The following NHEJ1 variants were observed in gnomAD, a reference collection of about 807,000 sequenced individuals.
The protein encoded by NHEJ1 is non-homologous end joining factor 1, also known as non-homologous end-joining factor 1.
A neutral mutation model predicts 39.4 loss-of-function variants in NHEJ1; 22 were observed. That is an observed-to-expected ratio of 0.56 (90% CI 0.40 to 0.80). The LOEUF (loss-of-function observed/expected upper bound fraction) is 0.80. Ranked by LOEUF, NHEJ1 falls within the 30% of genes least tolerant of loss-of-function variation. NHEJ1 has a pLI of 0.00. For missense variants in NHEJ1, 329 were observed against 357.1 expected (o/e 0.92, Z 0.63); for synonymous variants, 154 against 135.6 (o/e 1.14, Z -0.94).
chr2:219,099,450 G>A (rs1222989413), intron 5 of NHEJ1, among the ~76,000 whole-genome samples: 1 of 152,196 alleles, frequency 6.6e-6, no homozygotes. Flanking sequence ...CACTGAATGA[G>A]ATAGGGCAAG....
chr2:219,160,582 C>G (rs1409679131), intron 1 of NHEJ1, 138 bp downstream of exon 1: 3 of 152,184 alleles, frequency 2.0e-5, no homozygotes, highest in Non-Finnish European at 2.9e-5. Context: ...GCCCACCCCT[C>G]CCCCGGAGGC....
intron 5 of NHEJ1, among the ~76,000 whole-genome samples, chr2:219,090,390 T>C (rs1039528406): frequency 1.3e-5 from 2 of 152,224 alleles, no homozygotes; most frequent in Non-Finnish European, 2.9e-5. Flanking sequence ...AGATCATGCA[T>C]GTAAAGTTCT....
chr2:219,101,651 T>A (rs1486809889), intron 5 of NHEJ1, among the ~76,000 whole-genome samples: 1 of 151,836 alleles, frequency 6.6e-6, no homozygotes, highest in Non-Finnish European at 1.5e-5. Context: ...CCTCAAGTGA[T>A]CTTCCTGCCT....
At chr2:219,106,973 C>T (rs1446319174) in intron 5 of NHEJ1, among the ~76,000 whole-genome samples, 1 of 152,176 alleles carries the variant, frequency 6.6e-6, no homozygotes, top group Non-Finnish European at 1.5e-5. Context: ...TACTCCAAGT[C>T]GGCCTACCTG....
At position 219,145,404 on chromosome 2, in the gene NHEJ1, C is replaced by A. The variant is rs181550955; in HGVS notation, c.588+1276G>T. Among the ~76,000 whole-genome samples the A allele has an allele frequency of 2.2e-4, 34 of 152,266 alleles. 1 individual carries two copies. In the East Asian group the frequency reaches 2.5e-3, roughly 11 times the overall value. On this transcript the variant is annotated intron_variant, in intron 5 of 7. Coordinates refer to ENST00000356853, the MANE Select transcript of NHEJ1 (RefSeq NM_024782.3). ...CAAGCATTGTAGCTCAGTCAATGCA[C>A]AGAGGCAGAACAGGAGGTTCCAAAT...
At chr2:219,144,939 G>A (rs1464403953) in intron 5 of NHEJ1, among the ~76,000 whole-genome samples, 1 of 152,156 alleles carries the variant, frequency 6.6e-6, no homozygotes, top group Non-Finnish European at 1.5e-5. Flanking sequence ...TCTAGGCTAG[G>A]CATGGTGGCT....
intron 3 of NHEJ1, among the ~76,000 whole-genome samples, chr2:219,156,891 C>T (rs1949859561): frequency 6.6e-6 from 1 of 152,190 alleles, no homozygotes; most frequent in Non-Finnish European, 1.5e-5. Context: ...AAAATCCAAA[C>T]TCATTAGAAT....
Position 219,138,666 on chromosome 2 carries a change from A to T in NHEJ1, c.588+8014T>A, listed in dbSNP as rs561398602. On this transcript the variant is annotated intron_variant, in intron 5 of 7. Coordinates refer to ENST00000356853, the MANE Select transcript of NHEJ1 (RefSeq NM_024782.3). ...AGGAGATAGACCATAAACAGTAAGT[A>T]TAATAAAATAAGTAAATTTTATGGC... Among the ~76,000 whole-genome samples, 4 of 152,370 alleles carry T rather than the reference A, an allele frequency of 2.6e-5. No homozygotes were observed. In the South Asian group the frequency reaches 8.3e-4, roughly 32 times the overall value.
chr2:219,159,411 G>GA (rs1272992097), intron 1 of NHEJ1: 2 of 151,322 alleles, frequency 1.3e-5, no homozygotes, highest in Non-Finnish European at 1.5e-5. Context: ...TACCAGGAAG[G>GA]AAAAATTTAG....
intron 5 of NHEJ1, among the ~76,000 whole-genome samples, chr2:219,086,992 G>A (rs934919857): frequency 6.6e-6 from 1 of 152,138 alleles, no homozygotes; most frequent in African/African-American, 2.4e-5. Flanking sequence ...CAGCAGAGGG[G>A]CTCGGGGAAC....
At position 219,132,090 on chromosome 2, in the gene NHEJ1, T is replaced by C. The variant is rs371829543; in HGVS notation, c.588+14590A>G. Among the ~76,000 whole-genome samples the C allele has an allele frequency of 1.7e-3, 263 of 152,342 alleles. 2 individuals are homozygous for C. Among genetic ancestry groups the C allele is most frequent in the African/African-American group, 5.9e-3 (247 of 41,586 alleles). On this transcript the variant is annotated intron_variant, in intron 5 of 7. Coordinates refer to ENST00000356853, the MANE Select transcript of NHEJ1 (RefSeq NM_024782.3). ...TTGATATAGCCTTAGACTGATAAAGTCACTTCAAAATTCCGTGGCTCTAAT... is the reference window on the plus strand; with the variant it reads ...TTGATATAGCCTTAGACTGATAAAGCCACTTCAAAATTCCGTGGCTCTAAT...
At chr2:219,105,050 A>C (rs1324732152) in intron 5 of NHEJ1, among the ~76,000 whole-genome samples, 3 of 152,200 alleles carry the variant, frequency 2.0e-5, no homozygotes, top group African/African-American at 7.2e-5. Context: ...ATTATAGTTG[A>C]GTGCTGTCAC....
At chr2:219,137,584 A>AC (rs1559199728) in intron 5 of NHEJ1, among the ~76,000 whole-genome samples, 6 of 140,080 alleles carry the variant, frequency 4.3e-5, no homozygotes, top group Non-Finnish European at 4.8e-5. Context: ...AAAAAAAAAA[A>AC]AAAAAAAACA....
Position 219,157,536 on chromosome 2 carries a change from C to A in NHEJ1, c.326G>T (p.Arg109Leu). ...CVADALILRVRSELSGLPFYW... is the reference protein window; with the variant it reads ...CVADALILRVLSELSGLPFYW... ...GAAGGGGAGGCCAGAGAGCTCACTT[C>A]GCACCCGTAGAATCAGTGCATCTGC... The change falls in exon 3 of 8, where the codon CGA (arginine) becomes CTA (leucine). Residue 109 changes from arginine (R) to leucine (L), a missense_variant. Transcript: ENST00000356853. 1.2e-6 allele frequency: 2 copies of A among 1,614,180 alleles called. No homozygotes were observed. The highest frequency in any genetic ancestry group is 1.7e-6 in the Non-Finnish European group (2 of 1,180,036).
chr2:219,153,223 A>G (rs559378096), intron 3 of NHEJ1, among the ~76,000 whole-genome samples: 1 of 152,202 alleles, frequency 6.6e-6, no homozygotes, highest in Non-Finnish European at 1.5e-5. Context: ...ACGACTAGAC[A>G]GTAAGGTTGT....
rs1345687530 is a variant in NHEJ1 at position 219,073,277 on chromosome 2, G to A, written c.*3104C>T. ...TTCTCAGGAATCAGGGAAAGATGGA[G>A]ACTAGAAGCTTTCTTCCTGCCTTCT... On this transcript the variant is annotated 3_prime_UTR_variant, in exon 8 of 8. Coordinates refer to ENST00000356853, the MANE Select transcript of NHEJ1 (RefSeq NM_024782.3). Among the ~76,000 whole-genome samples, 1 of 152,204 alleles carries A rather than the reference G, an allele frequency of 6.6e-6. No individual in the cohort carries two copies. The highest frequency in any genetic ancestry group is 1.9e-4 in the East Asian group (1 of 5,192).
intron 5 of NHEJ1, among the ~76,000 whole-genome samples, chr2:219,139,277 G>A (rs1019567281): frequency 2.0e-5 from 3 of 151,978 alleles, no homozygotes; most frequent in Admixed American, 6.6e-5. Flanking sequence ...TAGTAGAGAC[G>A]AAGTTTCACC....
At chr2:219,139,447 A>G (rs1949669255) in intron 5 of NHEJ1, among the ~76,000 whole-genome samples, 1 of 152,104 alleles carries the variant, frequency 6.6e-6, no homozygotes, top group Non-Finnish European at 1.5e-5. Context: ...GAGTAGCCCT[A>G]TGGACAGGCC....
chr2:219,120,419 C>T (rs1192806845), intron 5 of NHEJ1, among the ~76,000 whole-genome samples: 1 of 152,020 alleles, frequency 6.6e-6, no homozygotes, highest in East Asian at 1.9e-4. Flanking sequence ...TATAAACAGG[C>T]TTTGGAAAAA....
Sources: gnomAD v4.1 joint callset for allele counts (sites outside exome capture counted in the v4.1 genomes callset) on GRCh38, gnomAD v4.1.1 for gene constraint, MANE v1.5 for transcripts, NCBI Gene and HGNC (gene_info 2026-07-23, HGNC 2026-07-21) for gene names.